FAM76A: variants seen among roughly 807,000 people sequenced by gnomAD.
The protein encoded by FAM76A is family with sequence similarity 76 member A, also known as protein FAM76A.
A neutral mutation model predicts 46.2 loss-of-function variants in FAM76A; 32 were observed. The observed-to-expected ratio is 0.69, with a 90% CI of 0.52 to 0.93. The LOEUF (loss-of-function observed/expected upper bound fraction) is 0.93, where lower values mean the gene tolerates loss of function less well. Among genes scored for constraint, FAM76A ranks in the 40% least tolerant of loss-of-function variants. The probability of loss-of-function intolerance (pLI) is 0.00; values close to 1 mark genes in which losing one functional copy is unlikely to be tolerated. For missense variants in FAM76A, 274 were observed against 361.5 expected (o/e 0.76, Z 1.96); for synonymous variants, 137 against 127.0 (o/e 1.08, Z -0.53).
At chr1:27,727,404 C>A in intron 1 of FAM76A, 68 bp from the exon 2 acceptor site, 1 of 1,287,386 alleles carries the variant, frequency 7.8e-7, no homozygotes, top group Non-Finnish European at 1.1e-6. Context: ...GTACCCAGGT[C>A]GGCTTCCTAC....
intron 4 of FAM76A, 45 bp from the exon 5 acceptor site, chr1:27,744,609 T>G (rs761758930): frequency 2.1e-5 from 33 of 1,603,656 alleles, no homozygotes; most frequent in Non-Finnish European, 2.0e-5. Context: ...TTGCAGCCAC[T>G]GCGCTAAATT....
chr1:27,727,213 C>G (rs1364733463), intron 1 of FAM76A, among the ~76,000 whole-genome samples: 2 of 152,174 alleles, frequency 1.3e-5, no homozygotes, highest in African/African-American at 4.8e-5. Context: ...GATTCCCAGT[C>G]TGGGACTTGT....
At chr1:27,748,732 C>T (rs1327466184) in intron 5 of FAM76A, among the ~76,000 whole-genome samples, 1 of 152,094 alleles carries the variant, frequency 6.6e-6, no homozygotes, top group East Asian at 1.9e-4. Context: ...CCGCCTGCCT[C>T]AGCCTCCCAA....
chr1:27,728,920 C>T (rs1446278215), intron 2 of FAM76A, among the ~76,000 whole-genome samples: 1 of 151,154 alleles, frequency 6.6e-6, no homozygotes, highest in Non-Finnish European at 1.5e-5. Flanking sequence ...GCTGAGATTG[C>T]GCCACTGCAC....
At chr1:27,740,690 A>G (rs1268538750) in intron 4 of FAM76A, 1 of 492,878 alleles carries the variant, frequency 2.0e-6, no homozygotes, top group Non-Finnish European at 3.6e-6. Flanking sequence ...AAACAGGAAT[A>G]TTGACTACCA....
intron 4 of FAM76A, among the ~76,000 whole-genome samples, chr1:27,743,206 A>G (rs531957636): frequency 1.3e-5 from 2 of 152,296 alleles, no homozygotes; most frequent in East Asian, 1.9e-4. Flanking sequence ...ACTGTAGTAC[A>G]GTGGCATGCT....
At position 27,749,097 on chromosome 1, in the gene FAM76A, A is replaced by C; in HGVS notation, c.542A>C (p.Gln181Pro). The change falls in exon 6 of 9, where the codon CAA (glutamine) becomes CCA (proline). Residue 181 changes from glutamine (Q) to proline (P), a missense_variant. Physicochemically the swap from Gln to Pro is moderately conservative, Grantham distance 76. Coordinates refer to ENST00000373954, the MANE Select transcript of FAM76A (RefSeq NM_152660.3). ...SQKTLSTSSI[Q>P]NEIPKKKSKF... Reference sequence around the variant, plus strand: ...AAAACACTTTCTACATCTTCAATTCAAAATGAAATCCCAAAGAAAAAGTCC... The same window carrying C: ...AAAACACTTTCTACATCTTCAATTCCAAATGAAATCCCAAAGAAAAAGTCC... 1.9e-6 allele frequency: 3 copies of C among 1,606,108 alleles called. No homozygotes were observed. Among genetic ancestry groups the C allele is most frequent in the Non-Finnish European group, 2.5e-6 (3 of 1,178,248 alleles).
chr1:27,726,622 G>A (rs1160837333), intron 1 of FAM76A, among the ~76,000 whole-genome samples: 1 of 151,956 alleles, frequency 6.6e-6, no homozygotes. Context: ...GAGGTAGCAA[G>A]GCTTGATTTT....
chr1:27,733,993 A>G, intron 3 of FAM76A, 38 bp from the exon 4 acceptor site: 1 of 1,577,880 alleles, frequency 6.3e-7, no homozygotes, highest in Non-Finnish European at 8.6e-7. Flanking sequence ...GTATTTTATG[A>G]AAGTAATACT....
chr1:27,735,418 C>T (rs2148569348), intron 4 of FAM76A, among the ~76,000 whole-genome samples: 1 of 152,332 alleles, frequency 6.6e-6, no homozygotes, highest in South Asian at 2.1e-4. Flanking sequence ...CACATAGTAG[C>T]TGCTCAATAA....
intron 4 of FAM76A, among the ~76,000 whole-genome samples, chr1:27,741,080 C>T (rs538368607): frequency 2.0e-5 from 3 of 150,294 alleles, no homozygotes; most frequent in East Asian, 1.9e-4. Context: ...TGCAGTGAGC[C>T]GAGATCACGC....
intron 5 of FAM76A, among the ~76,000 whole-genome samples, chr1:27,746,591 G>A (rs2088244301): frequency 6.6e-6 from 1 of 151,828 alleles, no homozygotes; most frequent in Non-Finnish European, 1.5e-5. Context: ...GCCAGGTGTG[G>A]TGTTGCATGC....
intron 4 of FAM76A, 95 bp from the exon 5 acceptor site, chr1:27,744,559 C>A: frequency 1.5e-6 from 2 of 1,336,396 alleles, no homozygotes; most frequent in Non-Finnish European, 2.1e-6. Flanking sequence ...AGTTTCAGAA[C>A]TGGGACTGAA....
At chr1:27,742,824 G>A (rs936565279) in intron 4 of FAM76A, among the ~76,000 whole-genome samples, 3 of 152,170 alleles carry the variant, frequency 2.0e-5, no homozygotes, top group Admixed American at 2.0e-4. Flanking sequence ...GCTTTGGGAG[G>A]CCGAGGCGGG....
chr1:27,726,762 G>C (rs887400438), intron 1 of FAM76A, among the ~76,000 whole-genome samples: 1 of 152,114 alleles, frequency 6.6e-6, no homozygotes, highest in African/African-American at 2.4e-5. Flanking sequence ...CCAGTTGGTG[G>C]TCTTCGGTCT....
chr1:27,748,619 C>A (rs531060208), intron 5 of FAM76A, among the ~76,000 whole-genome samples: 7 of 151,356 alleles, frequency 4.6e-5, no homozygotes, highest in Non-Finnish European at 8.8e-5. Context: ...GTAGCTGGGA[C>A]TACAGGCGCC....
intron 4 of FAM76A, among the ~76,000 whole-genome samples, chr1:27,742,466 C>T (rs1450953807): frequency 5.9e-5 from 9 of 152,132 alleles, no homozygotes; most frequent in African/African-American, 1.7e-4. Flanking sequence ...CAGGCCACCA[C>T]GAGGGACTGG....
chr1:27,728,683 T>C (rs967082311), intron 2 of FAM76A, among the ~76,000 whole-genome samples: 2 of 152,164 alleles, frequency 1.3e-5, no homozygotes, highest in African/African-American at 4.8e-5. Context: ...TGAAATGGGC[T>C]GGGTACGGTG....
At chr1:27,733,568 C>T (rs1244387799) in intron 3 of FAM76A, among the ~76,000 whole-genome samples, 2 of 151,888 alleles carry the variant, frequency 1.3e-5, no homozygotes, top group Non-Finnish European at 2.9e-5. Context: ...GGCTTCATGG[C>T]CGGGCGTGGT....
Sources: gnomAD v4.1 joint callset for allele counts (sites outside exome capture counted in the v4.1 genomes callset) on GRCh38, gnomAD v4.1.1 for gene constraint, MANE v1.5 for transcripts, NCBI Gene and HGNC (gene_info 2026-07-23, HGNC 2026-07-21) for gene names.